Variants in SUCLG2 observed in about 807,000 individuals in gnomAD.
SUCLG2 encodes succinate--CoA ligase [GDP-forming] subunit beta, mitochondrial.
Under a neutral mutation model 47.9 loss-of-function variants are expected in SUCLG2, and 42 were observed. The ratio of observed to expected loss-of-function variants is 0.88; its 90% confidence interval spans 0.69 to 1.14. The LOEUF (loss-of-function observed/expected upper bound fraction) is 1.14. Among genes scored for constraint, SUCLG2 ranks in the 50% most tolerant of loss-of-function variants. The probability of loss-of-function intolerance (pLI) is 0.00; values close to 1 mark genes in which losing one functional copy is unlikely to be tolerated. For missense variants in SUCLG2, 571 were observed against 525.9 expected, an observed-to-expected ratio of 1.09 and a Z score of -0.84; for synonymous variants, 195 against 197.3, an observed-to-expected ratio of 0.99 and a Z score of 0.10.
At chr3:67,642,432 T>A (rs1024142103) in intron 1 of SUCLG2, among the ~76,000 whole-genome samples, 2 of 151,930 alleles carry the variant, frequency 1.3e-5, no homozygotes, top group Non-Finnish European at 2.9e-5. Context: ...AAGCAAGACC[T>A]TGTCTCTACA....
chr3:67,369,007 G>A (rs181370127), intron 10 of SUCLG2, among the ~76,000 whole-genome samples: 1 of 152,074 alleles, frequency 6.6e-6, no homozygotes, highest in African/African-American at 2.4e-5. Flanking sequence ...TGACATTTTG[G>A]GTAGAAAACT....
intron 2 of SUCLG2, among the ~76,000 whole-genome samples, chr3:67,571,318 C>T (rs375763085): frequency 1.3e-5 from 2 of 152,074 alleles, no homozygotes; most frequent in African/African-American, 4.8e-5. Flanking sequence ...ACAGGACAGC[C>T]CTCACAGCAA....
At chr3:67,504,063 C>T (rs573951383) in intron 7 of SUCLG2, among the ~76,000 whole-genome samples, 157 of 152,278 alleles carry the variant, frequency 1.0e-3, no homozygotes, top group Non-Finnish European at 1.7e-3. Context: ...CTTCAAGCAA[C>T]GTACTGCGTT....
chr3:67,495,666 AAGATAG>A, intron 9 of SUCLG2, 126 bp downstream of exon 9: 1 of 1,115,796 alleles, frequency 9.0e-7, no homozygotes, highest in Non-Finnish European at 1.2e-6. Flanking sequence ...AAAAAAAAAA[AAGATAG>A]AAGTTGCATC....
chr3:67,572,021 T>C (rs545836167), intron 2 of SUCLG2, among the ~76,000 whole-genome samples: 1 of 152,302 alleles, frequency 6.6e-6, no homozygotes, highest in South Asian at 2.1e-4. Flanking sequence ...AGAAAGGAGA[T>C]TGTAGTCCAC....
chr3:67,506,037 T>A (rs1464320455), intron 7 of SUCLG2, among the ~76,000 whole-genome samples: 1 of 152,114 alleles, frequency 6.6e-6, no homozygotes, highest in African/African-American at 2.4e-5. Flanking sequence ...GATGCTGAGC[T>A]CCTTAAACTT....
chr3:67,627,489 G>C (rs1210908113), intron 1 of SUCLG2, among the ~76,000 whole-genome samples: 2 of 152,138 alleles, frequency 1.3e-5, no homozygotes, highest in Non-Finnish European at 2.9e-5. Flanking sequence ...ACCTAGACTT[G>C]GGCCATTATC....
chr3:67,398,212 C>T (rs897676792), intron 10 of SUCLG2, among the ~76,000 whole-genome samples: 4 of 150,586 alleles, frequency 2.7e-5, no homozygotes, highest in Non-Finnish European at 3.0e-5. Flanking sequence ...GCAAAAGAAA[C>T]TACCATCAGA....
At chr3:67,516,640 T>A (rs1330305436) in intron 6 of SUCLG2, among the ~76,000 whole-genome samples, 1 of 152,102 alleles carries the variant, frequency 6.6e-6, no homozygotes, top group African/African-American at 2.4e-5. Context: ...TCTTGGGCAA[T>A]AAAAATAGAT....
At chr3:67,424,409 C>T (rs575639609) in intron 9 of SUCLG2, among the ~76,000 whole-genome samples, 1 of 152,296 alleles carries the variant, frequency 6.6e-6, no homozygotes, top group East Asian at 1.9e-4. Flanking sequence ...ACTCTAGTCA[C>T]CAACATCCCT....
intron 2 of SUCLG2, among the ~76,000 whole-genome samples, chr3:67,590,957 A>C (rs1359924809): frequency 1.3e-5 from 2 of 152,010 alleles, no homozygotes; most frequent in Non-Finnish European, 2.9e-5. Context: ...TTAAAAAAAA[A>C]CCTTTTCTAA....
At chr3:67,402,996 A>T (rs1352517478) in intron 9 of SUCLG2, among the ~76,000 whole-genome samples, 1 of 152,174 alleles carries the variant, frequency 6.6e-6, no homozygotes, top group Non-Finnish European at 1.5e-5. Context: ...TTAGTGGGTG[A>T]GTGCCTGGAG....
chr3:67,606,651 AT>A (rs1700424227), intron 2 of SUCLG2, among the ~76,000 whole-genome samples: 1 of 152,172 alleles, frequency 6.6e-6, no homozygotes, highest in Non-Finnish European at 1.5e-5. Context: ...TTTAGATCTT[AT>A]TTTACTGGGA....
chr3:67,486,450 T>C (rs1392718991), intron 9 of SUCLG2, among the ~76,000 whole-genome samples: 3 of 152,218 alleles, frequency 2.0e-5, no homozygotes, highest in African/African-American at 7.2e-5. Context: ...TAGCAAATAC[T>C]CAACCATTGT....
chr3:67,423,237 C>T (rs550064366), intron 9 of SUCLG2, among the ~76,000 whole-genome samples: 7 of 152,172 alleles, frequency 4.6e-5, no homozygotes, highest in South Asian at 2.1e-4. Flanking sequence ...TGGCATTTCC[C>T]GTGCTTGCAT....
At chr3:67,373,377 A>T (rs1194054446), downstream of SUCLG2, among the ~76,000 whole-genome samples, 2 of 152,100 alleles carry the variant, frequency 1.3e-5, no homozygotes, top group Non-Finnish European at 2.9e-5. Flanking sequence ...CATTTATGTG[A>T]TTATTTCATA....
At chr3:67,372,817 T>C (rs1701971995), downstream of SUCLG2, among the ~76,000 whole-genome samples, 1 of 152,222 alleles carries the variant, frequency 6.6e-6, no homozygotes, top group Non-Finnish European at 1.5e-5. Flanking sequence ...TTGGGGGCAA[T>C]GTTGTATTTT....
At chr3:67,590,699 A>G (rs1708136674) in intron 2 of SUCLG2, among the ~76,000 whole-genome samples, 1 of 152,190 alleles carries the variant, frequency 6.6e-6, no homozygotes, top group African/African-American at 2.4e-5. Flanking sequence ...CAGAACCATG[A>G]GCCAATTAAA....
chr3:67,432,168 C>T (rs1185068273), intron 9 of SUCLG2, among the ~76,000 whole-genome samples: 1 of 152,166 alleles, frequency 6.6e-6, no homozygotes, highest in African/African-American at 2.4e-5. Flanking sequence ...AAGTACACGC[C>T]TGGCAGATGA....
Sources: gnomAD v4.1 joint callset for allele counts (sites outside exome capture counted in the v4.1 genomes callset) on GRCh38, gnomAD v4.1.1 for gene constraint, MANE v1.5 for transcripts, NCBI Gene and HGNC (gene_info 2026-07-23, HGNC 2026-07-21) for gene names.